Variants in C3 observed in about 807,000 individuals in gnomAD.
The protein encoded by C3 is complement C3.
In C3, 97 loss-of-function variants were observed where a neutral mutation model predicts 207.9. The observed-to-expected ratio is 0.47, with a 90% CI of 0.40 to 0.55. The LOEUF is 0.55. C3 is among the 20% of genes least tolerant of loss of function. The pLI, the probability that C3 is intolerant of heterozygous loss-of-function variation, is 0.00. For missense variants in C3, 1,684 were observed against 2,171.7 expected (o/e 0.78, Z 4.46); for synonymous variants, 848 against 857.6 (o/e 0.99, Z 0.20).
chr19:6,702,369 G>A (rs1343400856), intron 18 of C3, 102 bp downstream of exon 18: 1 of 998,002 alleles, frequency 1.0e-6, no homozygotes, highest in Non-Finnish European at 1.6e-6. Flanking sequence ...GTTGGGCTGT[G>A]GGGTTGCACT....
intron 16 of C3, 32 bp downstream of exon 16, chr19:6,707,434 C>G: frequency 6.2e-7 from 1 of 1,611,914 alleles, no homozygotes. Context: ...GGGTGGGGCT[C>G]GGGGGCAGGA....
chr19:6,677,745 A>G lies in C3; in HGVS notation c.*137T>C. On this transcript the variant is annotated 3_prime_UTR_variant, in exon 41 of 41. Transcript: ENST00000245907. The stretch of plus-strand genomic sequence containing the variant: ...CGCCAGGAGAAAATGCGGTGGGAAC[A>G]GGTGAGGTTTCAAGTAGGATGGAGC... The G allele has an allele frequency of 9.3e-7, 1 of 1,079,662 alleles. No homozygotes were observed. The highest frequency in any genetic ancestry group is 1.4e-6 in the Non-Finnish European group (1 of 737,842). 66.9% of individuals were successfully genotyped at this position (1,079,662 alleles called of 1,614,324 possible).
chr19:6,706,402 C>G (rs1967774535), intron 17 of C3, among the ~76,000 whole-genome samples: 1 of 152,136 alleles, frequency 6.6e-6, no homozygotes, highest in Admixed American at 6.5e-5. Context: ...GGCTCCTCAT[C>G]TGAAGGCCTC....
Position 6,685,043 on chromosome 19 carries a change from G to T in C3, c.3914C>A (p.Ser1305Tyr), listed in dbSNP as rs1336193098. 6.2e-6 allele frequency: 10 copies of T among 1,613,946 alleles called. No individual in the cohort carries two copies. Among genetic ancestry groups the T allele is most frequent in the Non-Finnish European group, 8.5e-6 (10 of 1,180,030 alleles). The change falls in exon 30 of 41, where the codon TCC (serine) becomes TAC (tyrosine). Residue 1305 changes from serine (S) to tyrosine (Y), a missense_variant. By Grantham distance (144) the Ser-to-Tyr change is moderately radical (BLOSUM62 -2). Around this residue, in one of 3 missense-constraint regions of C3, gnomAD observed 1,280 missense variants for 1,739.1 expected, o/e 0.74. Transcript: ENST00000245907. ...CCAGTGGATACGGTGGGTGATCTTGGAGCTGCGGCTGGGCAGTTGGAGGGA... is the reference window on the plus strand; with the variant it reads ...CCAGTGGATACGGTGGGTGATCTTGTAGCTGCGGCTGGGCAGTTGGAGGGA... ...DVSLQLPSRS[S>Y]KITHRIHWES...
chr19:6,684,517 G>C, intron 32 of C3, 43 bp downstream of exon 32: 1 of 1,572,064 alleles, frequency 6.4e-7, no homozygotes, highest in South Asian at 1.1e-5. Flanking sequence ...CATTAGAAGA[G>C]GGGTAGGAGG....
chr19:6,712,199 C>G (rs183776371), intron 11 of C3, 58 bp downstream of exon 11: 1 of 1,605,224 alleles, frequency 6.2e-7, no homozygotes, highest in Admixed American at 1.7e-5. Context: ...TGTGCAAACA[C>G]CAGAACCCCT....
chr19:6,696,341 T>C, intron 23 of C3, 38 bp downstream of exon 23: 1 of 1,446,616 alleles, frequency 6.9e-7, no homozygotes, highest in South Asian at 1.2e-5. Flanking sequence ...ATCCATGCCC[T>C]CCTGGGACCC....
At position 6,689,374 on chromosome 19, in the gene C3, T is replaced by TC. The variant is rs148779299; in HGVS notation, c.3489+1254dup. On this transcript the variant is annotated intron_variant, in intron 27 of 40. Transcript: ENST00000245907. ...CTCCCTCCCTCCCTCTCTCTCTCTC[T>TC]CTCTCTCTCTCTCTGCCTTGGTCCC... Among the ~76,000 whole-genome samples, 10 of 116,378 alleles carry TC rather than the reference T, an allele frequency of 8.6e-5. 1 individual carries two copies. The highest frequency in any genetic ancestry group is 3.7e-4 in the African/African-American group (9 of 24,484). The allele number at this position is 116,378 out of a possible 152,430, so 76.3% of individuals were successfully genotyped here. A position where few individuals can be genotyped will look rare whatever the true frequency, so the allele number is the denominator to read the frequency against.
Position 6,707,555 on chromosome 19 carries a change from CGAG to C in C3, c.1976-21_1976-19del. The C allele has an allele frequency of 1.2e-6, 2 of 1,613,916 alleles. No homozygotes were observed. The highest frequency in any genetic ancestry group is 1.7e-6 in the Non-Finnish European group (2 of 1,179,908). On this transcript the variant is annotated intron_variant, in intron 15 of 40. Coordinates refer to ENST00000245907, the MANE Select transcript of C3 (RefSeq NM_000064.4). ...CTGAAGTTCTGCAGGGCAGGCGGAC[CGAG>C]AAGAAGATGGATGAGGCACCTACTA...
intron 35 of C3, among the ~76,000 whole-genome samples, chr19:6,681,651 A>G (rs1268493263): frequency 3.4e-5 from 5 of 148,376 alleles, no homozygotes; most frequent in African/African-American, 1.2e-4. Context: ...CAAAGCACTT[A>G]AAAAAAAAAC....
chr19:6,710,771 G>A lies in C3; in HGVS notation c.1554C>T (p.Pro518=). 6.2e-7 allele frequency: 1 copy of A among 1,613,796 alleles called. No individual in the cohort carries two copies. Among genetic ancestry groups the A allele is most frequent in the Non-Finnish European group, 8.5e-7 (1 of 1,179,964 alleles). Residue 518 remains proline, a synonymous_variant, in exon 13 of 41, where the codon CCC becomes CCT. Transcript: ENST00000245907. ...REPGQDLVVL[P]LSITTDFIPS... is the part of the protein sequence containing the mutation. ...GGATGAAGTCGGTGGTGATGGACAG[G>A]GGCAGCACCACCAGGTCCTGGCCGG...
rs759976981 is a variant in C3, at chr19:6,696,578, C to A, written c.2863+15G>T. 1 of 1,613,738 alleles carries A rather than the reference C, an allele frequency of 6.2e-7. No homozygotes were observed. The highest frequency in any genetic ancestry group is 1.7e-4 in the Middle Eastern group (1 of 6,060). On this transcript the variant is annotated intron_variant, in intron 22 of 40. Coordinates refer to ENST00000245907, the MANE Select transcript of C3 (RefSeq NM_000064.4). ...CCTGCCAGCCCCTCAGCCCCTCCCCCTGCAGCCGACTCACCACGGCCCAGG... is the reference window on the plus strand; with the variant it reads ...CCTGCCAGCCCCTCAGCCCCTCCCCATGCAGCCGACTCACCACGGCCCAGG...
Position 6,681,972 on chromosome 19 carries a change from T to G in C3, c.4319A>C (p.Asp1440Ala), listed in dbSNP as rs147116781. 4.9e-4 allele frequency: 789 copies of G among 1,613,988 alleles called. No homozygotes were observed. The highest frequency in any genetic ancestry group is 6.2e-4 in the Non-Finnish European group (729 of 1,179,982). Residue 1440 changes from aspartate (D) to alanine (A), a missense_variant, in exon 35 of 41, where the codon GAT becomes GCT. Transcript: ENST00000245907. Reference sequence around the variant, plus strand: ...CAGGTAGATGATGAGGGTGTTCCTATCGGAGAAGGCTTTGTCCAGCTCATA... The same window carrying G: ...CAGGTAGATGATGAGGGTGTTCCTAGCGGAGAAGGCTTTGTCCAGCTCATA... ...SKYELDKAFS[D>A]RNTLIIYLDK...
At chr19:6,695,932 G>A (rs958941431) in intron 23 of C3, among the ~76,000 whole-genome samples, 5 of 151,986 alleles carry the variant, frequency 3.3e-5, no homozygotes, top group Admixed American at 6.6e-5. Context: ...TTTTTAGGCC[G>A]GGCATAATGG....
intron 19 of C3, among the ~76,000 whole-genome samples, chr19:6,698,001 A>ATTC (rs1388326793): frequency 6.0e-5 from 1 of 16,590 alleles, no homozygotes; most frequent in Non-Finnish European, 1.1e-4. Context: ...TATTATTATT[A>ATTC]TTATTATTAT....
chr19:6,684,476 T>C, intron 32 of C3, 37 bp from the exon 33 acceptor site: 4 of 1,593,512 alleles, frequency 2.5e-6, no homozygotes, highest in Non-Finnish European at 3.4e-6. Context: ...GGAGAGGGTA[T>C]ACCTGTGTGT....
At chr19:6,693,805 CAG>C (rs1260716350) in intron 24 of C3, among the ~76,000 whole-genome samples, 3 of 151,938 alleles carry the variant, frequency 2.0e-5, no homozygotes, top group African/African-American at 7.3e-5. Context: ...CGTGGGGCCT[CAG>C]ATGAGAGTGG....
Position 6,707,056 on chromosome 19 carries a change from C to A in C3, c.2245+20G>T, listed in dbSNP as rs748848861. On this transcript the variant is annotated intron_variant, in intron 17 of 40. Coordinates refer to ENST00000245907, the MANE Select transcript of C3 (RefSeq NM_000064.4). The stretch of plus-strand genomic sequence containing the variant: ...CCATCAGACGGCCCCCTCCCCCTGT[C>A]CCCACCCCGTGGGACCTACTCCTGG... The A allele has an allele frequency of 6.3e-7, 1 of 1,594,564 alleles. No homozygotes were observed. Among genetic ancestry groups the A allele is most frequent in the Non-Finnish European group, 8.5e-7 (1 of 1,170,784 alleles).
intron 21 of C3, among the ~76,000 whole-genome samples, chr19:6,697,055 A>AAT (rs1967552955): frequency 2.3e-5 from 2 of 87,644 alleles, no homozygotes; most frequent in African/African-American, 9.2e-5. Flanking sequence ...AAAATAAACA[A>AAT]ACAAATAAAT....
Sources: gnomAD v4.1 joint callset for allele counts (sites outside exome capture counted in the v4.1 genomes callset) on GRCh38, gnomAD v4.1.1 for gene constraint, gnomAD v4.1.1 regional missense constraint, MANE v1.5 for transcripts, NCBI Gene and HGNC (gene_info 2026-07-23, HGNC 2026-07-21) for gene names.